Variants in SLC39A11 observed in about 807,000 individuals in gnomAD.
The protein encoded by SLC39A11 is zinc transporter ZIP11.
In SLC39A11, 33 loss-of-function variants were observed where a neutral mutation model predicts 36.1. The observed-to-expected ratio is 0.91, with a 90% CI of 0.69 to 1.22. The LOEUF (loss-of-function observed/expected upper bound fraction) is 1.22. SLC39A11 is among the 50% of genes most tolerant of loss of function. The probability of loss-of-function intolerance (pLI) is 0.00; values close to 1 mark genes in which losing one functional copy is unlikely to be tolerated. For synonymous variants in SLC39A11, 166 were observed against 170.3 expected (o/e 0.97, Z 0.20); for missense variants, 432 against 430.3 (o/e 1.00, Z -0.03).
At chr17:72,973,640 C>T (rs543454505) in intron 4 of SLC39A11, among the ~76,000 whole-genome samples, 2 of 152,196 alleles carry the variant, frequency 1.3e-5, no homozygotes, top group Admixed American at 6.5e-5. Context: ...CTCACTGCAG[C>T]CTCGACCTCT....
At chr17:72,683,786 C>T (rs2071616748) in intron 7 of SLC39A11, among the ~76,000 whole-genome samples, 1 of 152,038 alleles carries the variant, frequency 6.6e-6, no homozygotes, top group African/African-American at 2.4e-5. Context: ...GTCAGATGTG[C>T]TCTTAGACAG....
intron 3 of SLC39A11, among the ~76,000 whole-genome samples, chr17:73,069,359 A>C (rs1204806538): frequency 2.0e-5 from 3 of 152,198 alleles, no homozygotes; most frequent in Admixed American, 6.5e-5. Context: ...GAGGGATTAT[A>C]TCTTGCTTCT....
chr17:73,023,110 G>A (rs897569380), intron 4 of SLC39A11, among the ~76,000 whole-genome samples: 2 of 152,026 alleles, frequency 1.3e-5, no homozygotes, highest in African/African-American at 4.8e-5. Flanking sequence ...GCCCCTCAGG[G>A]CATAGCCAGC....
At chr17:72,878,739 A>G (rs2081044492) in intron 5 of SLC39A11, among the ~76,000 whole-genome samples, 1 of 152,202 alleles carries the variant, frequency 6.6e-6, no homozygotes, top group Admixed American at 6.5e-5. Flanking sequence ...CTGGTCACCA[A>G]ACTGTATGGG....
intron 4 of SLC39A11, among the ~76,000 whole-genome samples, chr17:73,026,473 C>T (rs1355292120): frequency 1.4e-5 from 2 of 143,596 alleles, no homozygotes; most frequent in East Asian, 2.1e-4. Context: ...GAGCCAGGAT[C>T]GCACCATTGT....
At chr17:72,672,003 GAGAAT>G (rs2071043374) in intron 7 of SLC39A11, among the ~76,000 whole-genome samples, 1 of 152,090 alleles carries the variant, frequency 6.6e-6, no homozygotes, top group South Asian at 2.1e-4. Context: ...AATCTGTTAA[GAGAAT>G]AGATCTTAAA....
intron 5 of SLC39A11, among the ~76,000 whole-genome samples, chr17:72,895,998 G>T (rs1228850923): frequency 1.3e-5 from 2 of 150,938 alleles, no homozygotes; most frequent in Admixed American, 6.6e-5. Flanking sequence ...CTTTTTTTTT[G>T]GTGTGCATAT....
intron 6 of SLC39A11, among the ~76,000 whole-genome samples, chr17:72,835,054 C>T (rs1384542787): frequency 6.6e-6 from 1 of 152,242 alleles, no homozygotes; most frequent in Non-Finnish European, 1.5e-5. Flanking sequence ...TTGGTGCCAA[C>T]TCTCATGCTC....
chr17:73,010,577 A>AT (rs2090455889), intron 4 of SLC39A11, among the ~76,000 whole-genome samples: 1 of 152,022 alleles, frequency 6.6e-6, no homozygotes, highest in Non-Finnish European at 1.5e-5. Flanking sequence ...AGATGTTAAT[A>AT]TTTTTTCTAA....
At chr17:72,678,434 C>T (rs1311421921) in intron 7 of SLC39A11, among the ~76,000 whole-genome samples, 1 of 152,078 alleles carries the variant, frequency 6.6e-6, no homozygotes, top group Non-Finnish European at 1.5e-5. Context: ...TGGCCAGGCA[C>T]GGTGGCTCAC....
At chr17:72,705,806 T>C (rs1029633152) in intron 7 of SLC39A11, among the ~76,000 whole-genome samples, 2 of 152,168 alleles carry the variant, frequency 1.3e-5, no homozygotes, top group Non-Finnish European at 2.9e-5. Context: ...CGACAACGGG[T>C]ACAATTCCAT....
intron 7 of SLC39A11, among the ~76,000 whole-genome samples, chr17:72,690,707 C>A (rs2071989138): frequency 6.6e-6 from 1 of 152,176 alleles, no homozygotes; most frequent in African/African-American, 2.4e-5. Flanking sequence ...ACACCAGATG[C>A]ACCCTGTGGT....
At chr17:72,696,745 T>A (rs2072322141) in intron 7 of SLC39A11, among the ~76,000 whole-genome samples, 1 of 152,262 alleles carries the variant, frequency 6.6e-6, no homozygotes, top group African/African-American at 2.4e-5. Context: ...CTGCTTTTAA[T>A]AATTATGTTA....
At position 72,915,793 on chromosome 17, in the gene SLC39A11, C is replaced by T. The variant is rs187458510; in HGVS notation, c.430+31959G>A. Among the ~76,000 whole-genome samples, 77 of 152,352 alleles carry T rather than the reference C, an allele frequency of 5.1e-4. No homozygotes were observed. In the East Asian group the frequency reaches 0.012, roughly 24 times the overall value. On this transcript the variant is annotated intron_variant, in intron 5 of 9. Transcript: ENST00000255559. ...TCACATCCAGTAGCTCCTATATTCACACCTTTGTGACTGCTATGAAGTGAA... is the reference window on the plus strand; with the variant it reads ...TCACATCCAGTAGCTCCTATATTCATACCTTTGTGACTGCTATGAAGTGAA...
rs375528248 is a variant in SLC39A11, at chr17:73,090,975, G to A, written c.-12+1636C>T. Reference sequence around the variant, plus strand: ...TGCTGTTTTAAATCCTCGCTACAAGGGTGGTCAGAGAACCAGCAGCACTGG... The same window carrying A: ...TGCTGTTTTAAATCCTCGCTACAAGAGTGGTCAGAGAACCAGCAGCACTGG... On this transcript the variant is annotated intron_variant, in intron 1 of 9. Transcript: ENST00000255559. 3.3e-5 allele frequency among the ~76,000 whole-genome samples: 5 copies of A among 152,290 alleles called. No homozygotes were observed. The East Asian group carries it at 9.6e-4, about 29-fold the overall frequency.
At chr17:72,732,911 C>T (rs1207690342) in intron 7 of SLC39A11, among the ~76,000 whole-genome samples, 6 of 152,186 alleles carry the variant, frequency 3.9e-5, no homozygotes, top group Non-Finnish European at 7.3e-5. Flanking sequence ...CTAGGGTTTT[C>T]CTATCCTGCA....
rs938500941 is a variant in SLC39A11, at chr17:72,821,743, C to G, written c.601+27891G>C. On this transcript the variant is annotated intron_variant, in intron 6 of 9. Coordinates refer to ENST00000255559, the MANE Select transcript of SLC39A11 (RefSeq NM_139177.4). ...TTTTCATCTGAGAAACTCAGTATCT[C>G]CCTCAGACTGAGGCAAAAGGGACTC... The G allele has an allele frequency of 2.6e-5, 4 of 151,362 alleles. 1 individual carries two copies. The highest frequency in any genetic ancestry group is 1.3e-4 in the Admixed American group (2 of 15,214). The allele number at this position is 151,362 out of a possible 1,614,324, so 9.4% of individuals were successfully genotyped here. A position where few individuals can be genotyped will look rare whatever the true frequency, so the allele number is the denominator to read the frequency against.
intron 7 of SLC39A11, among the ~76,000 whole-genome samples, chr17:72,655,856 G>A (rs2070091602): frequency 6.6e-6 from 1 of 152,160 alleles, no homozygotes; most frequent in Non-Finnish European, 1.5e-5. Flanking sequence ...CAGTGGTAGG[G>A]GGTGAGCCGT....
intron 6 of SLC39A11, among the ~76,000 whole-genome samples, chr17:72,781,873 C>T (rs11077634): frequency 0.2 from 29,434 of 149,468 alleles, 3,636 homozygotes; most frequent in South Asian, 0.32. Context: ...CTTCACTTTC[C>T]ATCCATCACC....
Sources: allele counts gnomAD v4.1 joint callset (sites outside exome capture counted in the v4.1 genomes callset), GRCh38; gene constraint gnomAD v4.1.1; transcripts MANE v1.5; gene names NCBI Gene and HGNC (gene_info 2026-07-23, HGNC 2026-07-21).